The following NDNF variants were observed in gnomAD, a reference collection of about 807,000 sequenced individuals.
NDNF encodes protein NDNF.
In NDNF, 16 loss-of-function variants were observed where a neutral mutation model predicts 42.0. That is an observed-to-expected ratio of 0.38 (90% CI 0.26 to 0.58). The LOEUF is 0.58. Ranked by LOEUF, NDNF falls within the 20% of genes least tolerant of loss-of-function variation. The pLI, the probability that NDNF is intolerant of heterozygous loss-of-function variation, is 0.67. For synonymous variants in NDNF, 248 were observed against 251.7 expected (o/e 0.99, Z 0.14); for missense variants, 616 against 666.2 (o/e 0.92, Z 0.83).
chr4:121,061,529 T>A (rs1282346196), intron 1 of NDNF: 1 of 152,196 alleles, frequency 6.6e-6, no homozygotes, highest in East Asian at 1.9e-4. Context: ...CTTTTCCTTC[T>A]CTGTCTCTTC....
At chr4:121,071,964 TG>T (rs1428465629) in intron 1 of NDNF, 28 bp downstream of exon 1, 1 of 152,060 alleles carries the variant, frequency 6.6e-6, no homozygotes, top group Non-Finnish European at 1.5e-5. Context: ...GTCGGGTCTC[TG>T]GGGCATTGCT....
At chr4:121,065,333 T>C (rs562411867) in intron 1 of NDNF, among the ~76,000 whole-genome samples, 5 of 151,818 alleles carry the variant, frequency 3.3e-5, no homozygotes, top group Non-Finnish European at 7.4e-5. Flanking sequence ...TGCCCCACAA[T>C]GAGGCAAGGA....
intron 1 of NDNF, among the ~76,000 whole-genome samples, chr4:121,069,551 G>C (rs867484357): frequency 5.3e-5 from 8 of 152,168 alleles, no homozygotes; most frequent in Non-Finnish European, 1.2e-4. Context: ...TTAAAACAGA[G>C]TGTTACTGCC....
chr4:121,052,996 T>C (rs1727225577), intron 1 of NDNF, among the ~76,000 whole-genome samples: 1 of 152,178 alleles, frequency 6.6e-6, no homozygotes, highest in Non-Finnish European at 1.5e-5. Context: ...GAGCTCTCAC[T>C]CTGCGATAAC....
intron 1 of NDNF, among the ~76,000 whole-genome samples, chr4:121,070,099 G>T (rs962582669): frequency 6.6e-6 from 1 of 152,158 alleles, no homozygotes; most frequent in Non-Finnish European, 1.5e-5. Flanking sequence ...AATGACTGAA[G>T]AATTAATACG....
intron 1 of NDNF, among the ~76,000 whole-genome samples, chr4:121,047,948 T>C (rs1228243890): frequency 4.6e-5 from 7 of 152,112 alleles, no homozygotes; most frequent in Admixed American, 6.6e-5. Context: ...GCTGGATGGA[T>C]CAAAATCAAG....
intron 1 of NDNF, among the ~76,000 whole-genome samples, chr4:121,054,463 A>C (rs2148768388): frequency 6.6e-6 from 1 of 152,382 alleles, no homozygotes; most frequent in African/African-American, 2.4e-5. Flanking sequence ...TACACAAGAA[A>C]ATACTATTGC....
chr4:121,040,588 G>A (rs79625148), intron 2 of NDNF, among the ~76,000 whole-genome samples: 51 of 152,224 alleles, frequency 3.4e-4, no homozygotes, highest in African/African-American at 1.2e-3. Flanking sequence ...GCAATATAAC[G>A]CTGTATTCAC....
In NDNF at chr4:121,050,136, T is replaced by G. The variant is rs186731243; in HGVS notation, c.-1-4298A>C. 3.3e-5 allele frequency among the ~76,000 whole-genome samples: 5 copies of G among 152,318 alleles called. No individual in the cohort carries two copies. The East Asian group carries it at 9.6e-4, about 29-fold the overall frequency. ...CAACTTATATTGACTGATAAAAAAT[T>G]GAAGCTTTACATAAATATTATTTAA... On this transcript the variant is annotated intron_variant, in intron 1 of 3. Transcript: ENST00000379692.
At chr4:121,064,702 C>A (rs1727470206) in intron 1 of NDNF, among the ~76,000 whole-genome samples, 1 of 152,106 alleles carries the variant, frequency 6.6e-6, no homozygotes, top group African/African-American at 2.4e-5. Flanking sequence ...CTCCAAACCT[C>A]TTAGAATTGT....
rs760685718 is a variant in NDNF at position 121,039,992 on chromosome 4, G to A, written c.251C>T (p.Ala84Val). The A allele has an allele frequency of 1.7e-5, 27 of 1,613,758 alleles. No homozygotes were observed. The highest frequency in any genetic ancestry group is 2.7e-5 in the African/African-American group (2 of 74,894). Residue 84 changes from alanine to valine, a missense_variant, in exon 3 of 4, where the codon GCG becomes GTG. Physicochemically the swap from Ala to Val is moderately conservative, Grantham distance 64. Transcript: ENST00000379692. ...GAGGCTCAGCTTCCACTCCAAAGGCGCATCACAGGGCGTCACTGTGACTGA... is the reference window on the plus strand; with the variant it reads ...GAGGCTCAGCTTCCACTCCAAAGGCACATCACAGGGCGTCACTGTGACTGA... ...PLSVTVTPCD[A>V]PLEWKLSLQE...
intron 1 of NDNF, among the ~76,000 whole-genome samples, chr4:121,069,403 A>G (rs1483510087): frequency 6.6e-6 from 1 of 152,248 alleles, no homozygotes; most frequent in Admixed American, 6.5e-5. Context: ...TAAAAGCTGT[A>G]TCTGCAAGTG....
At chr4:121,054,333 T>C (rs1727249196) in intron 1 of NDNF, among the ~76,000 whole-genome samples, 1 of 152,194 alleles carries the variant, frequency 6.6e-6, no homozygotes, top group African/African-American at 2.4e-5. Flanking sequence ...TCATTCATTA[T>C]TTTTTTAATT....
intron 1 of NDNF, among the ~76,000 whole-genome samples, chr4:121,060,849 C>T (rs1032350758): frequency 1.6e-4 from 25 of 152,162 alleles, no homozygotes; most frequent in African/African-American, 6.0e-4. Flanking sequence ...GCACTAAAGC[C>T]TAAGTGTTTA....
chr4:121,058,774 C>A (rs1323520288), intron 1 of NDNF, among the ~76,000 whole-genome samples: 2 of 152,264 alleles, frequency 1.3e-5, no homozygotes, highest in African/African-American at 4.8e-5. Context: ...CCACTTATTG[C>A]ATCTCACCTA....
rs1727080576 is a variant in NDNF, at chr4:121,045,757, C to T, written c.81G>A (p.Glu27=). The T allele has an allele frequency of 2.5e-6, 4 of 1,614,154 alleles. No homozygotes were observed. Among genetic ancestry groups the T allele is most frequent in the Admixed American group, 1.7e-5 (1 of 60,012 alleles). The part of the protein sequence containing the change: ...SRTQKLPTRD[E]ELFQMQIRDK... ...CCCGGATCTGCATCTGAAAAAGTTC[C>T]TCATCCCGGGTGGGTAACTTCTGGG... is the stretch of plus-strand genomic sequence containing the variant. The change falls in exon 2 of 4, where the codon GAG becomes GAA. Residue 27 remains glutamate, a synonymous_variant. Coordinates refer to ENST00000379692, the MANE Select transcript of NDNF (RefSeq NM_024574.4).
rs1338152784 is a variant in NDNF at position 121,036,981 on chromosome 4, G to C, written c.990C>G (p.Thr330=). The stretch of plus-strand genomic sequence containing the variant: ...TGGCTTCTTCCTTGGTCCTGGCAAA[G>C]GTACCTACATAAGCGGTGCTCATGT... The part of the protein sequence containing the change: ...NSNMSTAYVG[T]FARTKEEAKQ... Residue 330 remains threonine (T), a synonymous_variant, in exon 4 of 4, where the codon ACC becomes ACG. Coordinates refer to ENST00000379692, the MANE Select transcript of NDNF (RefSeq NM_024574.4). The C allele has an allele frequency of 1.2e-6, 2 of 1,613,932 alleles. No homozygotes were observed. Among genetic ancestry groups the C allele is most frequent in the Non-Finnish European group, 1.7e-6 (2 of 1,180,028 alleles).
chr4:121,044,372 T>C (rs910031317), intron 2 of NDNF, among the ~76,000 whole-genome samples: 5 of 152,302 alleles, frequency 3.3e-5, no homozygotes, highest in Middle Eastern at 3.4e-3. Flanking sequence ...TATCCCAGGT[T>C]AGAAGGAGCA....
At chr4:121,058,439 T>A (rs1378999197) in intron 1 of NDNF, among the ~76,000 whole-genome samples, 1 of 152,116 alleles carries the variant, frequency 6.6e-6, no homozygotes, top group African/African-American at 2.4e-5. Context: ...TGGGCTCCAC[T>A]CCTTCCTCTG....
Sources: gnomAD v4.1 joint callset for allele counts (sites outside exome capture counted in the v4.1 genomes callset) on GRCh38, gnomAD v4.1.1 for gene constraint, MANE v1.5 for transcripts, NCBI Gene and HGNC (gene_info 2026-07-23, HGNC 2026-07-21) for gene names.